The following SEZ6L2 variants were observed in gnomAD, a reference collection of about 807,000 sequenced individuals.
The protein encoded by SEZ6L2 is seizure 6-like protein 2.
A neutral mutation model predicts 97.0 loss-of-function variants in SEZ6L2; 44 were observed. The observed-to-expected ratio is 0.45, with a 90% CI of 0.36 to 0.58. The LOEUF (loss-of-function observed/expected upper bound fraction) is 0.58. SEZ6L2 is among the 20% of genes least tolerant of loss of function. SEZ6L2 has a pLI of 0.00. For missense variants in SEZ6L2, 1,086 were observed against 1,233.3 expected (o/e 0.88, Z 1.79); for synonymous variants, 543 against 546.1 (o/e 0.99, Z 0.08).
At position 29,882,482 on chromosome 16, in the gene SEZ6L2, C is replaced by T. The variant is rs970104688; in HGVS notation, c.1373-2418G>A. Among the ~76,000 whole-genome samples the T allele has an allele frequency of 9.3e-5, 14 of 150,768 alleles. No individual in the cohort carries two copies. The East Asian group carries it at 2.0e-3, about 21-fold the overall frequency. ...ATCCCAGCTACTCAGAAGGCTGAGG[C>T]AGGAGAACCACTTGAACCCGGAAGG... On this transcript the variant is annotated intron_variant, in intron 8 of 17. Transcript: ENST00000617533.
At position 29,888,598 on chromosome 16, in the gene SEZ6L2, G is replaced by A. The variant is rs769685348; in HGVS notation, c.981C>T (p.Thr327=). The A allele has an allele frequency of 2.6e-5, 42 of 1,613,948 alleles. No individual in the cohort carries two copies. The highest frequency in any genetic ancestry group is 3.3e-5 in the Non-Finnish European group (39 of 1,180,006). The change falls in exon 6 of 18, where the codon ACC becomes ACT. Residue 327 remains threonine, a synonymous_variant. Transcript: ENST00000617533. ...GCCGGGTGCCATTGAGGCAGATGAGGGTCTCCTCTCCCTGCAGCTGGTAGC... is the reference window on the plus strand; with the variant it reads ...GCCGGGTGCCATTGAGGCAGATGAGAGTCTCCTCTCCCTGCAGCTGGTAGC... The part of the protein sequence containing the change: ...DSGYQLQGEE[T]LICLNGTRPS...
chr16:29,895,545 G>T, intron 4 of SEZ6L2, 85 bp from the exon 5 acceptor site: 1 of 1,495,186 alleles, frequency 6.7e-7, no homozygotes, highest in Admixed American at 1.9e-5. Flanking sequence ...TTTGCCCTGT[G>T]TGTAGCAGCC....
chr16:29,898,071 C>G, intron 1 of SEZ6L2, 87 bp from the exon 2 acceptor site: 1 of 1,570,834 alleles, frequency 6.4e-7, no homozygotes, highest in Non-Finnish European at 8.6e-7. Flanking sequence ...TTCCTCCCTC[C>G]TCCATCAGCT....
At chr16:29,895,033 G>T (rs1482091666) in intron 5 of SEZ6L2, among the ~76,000 whole-genome samples, 1 of 152,016 alleles carries the variant, frequency 6.6e-6, no homozygotes, top group Admixed American at 6.6e-5. Context: ...CAAAAAATTA[G>T]CTGGGCATGG....
rs184624968 is a variant in SEZ6L2 at position 29,891,175 on chromosome 16, C to T, written c.854-2450G>A. On this transcript the variant is annotated intron_variant, in intron 5 of 17. Transcript: ENST00000617533. The stretch of plus-strand genomic sequence containing the variant: ...CAGGCTGGTCTCGAACTCCTGACCT[C>T]GTGATCTGCCCGCCTCGGCCTCCCA... Among the ~76,000 whole-genome samples, 1,512 of 152,026 alleles carry T rather than the reference C, an allele frequency of 9.9e-3. 29 individuals are homozygous for T. Among genetic ancestry groups the T allele is most frequent in the African/African-American group, 0.035 (1,444 of 41,480 alleles).
intron 6 of SEZ6L2, 41 bp from the exon 7 acceptor site, chr16:29,887,858 G>A (rs373660030): frequency 1.2e-6 from 2 of 1,605,334 alleles, no homozygotes; most frequent in South Asian, 2.2e-5. Context: ...AGCCTGAGGT[G>A]AACTGTCCTT....
At chr16:29,886,084 C>A in intron 7 of SEZ6L2, 1 of 184,158 alleles carries the variant, frequency 5.4e-6, no homozygotes, top group Non-Finnish European at 1.1e-5. Flanking sequence ...GATGCTTGAC[C>A]AGGCATGGTG....
chr16:29,884,233 C>T (rs1326175324), intron 8 of SEZ6L2, among the ~76,000 whole-genome samples: 1 of 152,142 alleles, frequency 6.6e-6, no homozygotes. Flanking sequence ...CAATGAACGC[C>T]TCTCCTGGCA....
intron 14 of SEZ6L2, 48 bp from the exon 15 acceptor site, chr16:29,872,791 A>T: frequency 8.9e-6 from 11 of 1,237,464 alleles, no homozygotes; most frequent in Non-Finnish European, 1.2e-5. Context: ...CAGGGAGGGG[A>T]GGAGGCTGGG....
intron 6 of SEZ6L2, 123 bp downstream of exon 6, chr16:29,888,417 C>T (rs898748311): frequency 1.3e-5 from 13 of 1,007,384 alleles, no homozygotes; most frequent in African/African-American, 3.3e-5. Flanking sequence ...GGGGACTCCT[C>T]AGGGTAAACA....
rs146925372 is a variant in SEZ6L2 at position 29,893,957 on chromosome 16, G to A, written c.853+1302C>T. The stretch of plus-strand genomic sequence containing the variant: ...GCAATCTCAGCTCAATGCAACCTCC[G>A]CCTCCTGGGTTCAAACAATTCTCTT... On this transcript the variant is annotated intron_variant, in intron 5 of 17. Transcript: ENST00000617533. 2.7e-3 allele frequency among the ~76,000 whole-genome samples: 415 copies of A among 152,202 alleles called. 7 individuals are homozygous for A. The East Asian group carries it at 0.033, about 12-fold the overall frequency.
rs1184725195 is a variant in SEZ6L2, at chr16:29,877,476, G to T, written c.1713-9C>A. 1.3e-6 allele frequency: 2 copies of T among 1,573,136 alleles called. No individual in the cohort carries two copies. The highest frequency in any genetic ancestry group is 4.5e-5 in the East Asian group (2 of 44,144). On this transcript the variant is annotated splice_polypyrimidine_tract_variant and intron_variant, in intron 10 of 17. Coordinates refer to ENST00000617533, the MANE Select transcript of SEZ6L2 (RefSeq NM_001243332.2). ...CTTCCCGCACATTCAATCTGCAGGGGGTGAGACCAGGCAATGGGGCGGGGC... is the reference window on the plus strand; with the variant it reads ...CTTCCCGCACATTCAATCTGCAGGGTGTGAGACCAGGCAATGGGGCGGGGC...
chr16:29,897,138 A>G lies in SEZ6L2; in HGVS notation c.212-17T>C. 15 of 1,529,636 alleles carry G rather than the reference A, an allele frequency of 9.8e-6. No homozygotes were observed. The highest frequency in any genetic ancestry group is 1.3e-5 in the Non-Finnish European group (15 of 1,140,006). The allele number at this position is 1,529,636 out of a possible 1,614,324, so 94.8% of individuals were successfully genotyped here. A position where few individuals can be genotyped will look rare whatever the true frequency, so the allele number is the denominator to read the frequency against. On this transcript the variant is annotated splice_polypyrimidine_tract_variant and intron_variant, in intron 2 of 17. Coordinates refer to ENST00000617533, the MANE Select transcript of SEZ6L2 (RefSeq NM_001243332.2). ...GATCAGATCCTGGGACAGTGCAGGG[A>G]ATATCAGAGCACAGGAGGAGCACAT...
chr16:29,897,855 G>A lies in SEZ6L2; in HGVS notation c.209C>T (p.Pro70Leu). 6.2e-7 allele frequency: 1 copy of A among 1,602,344 alleles called. No individual in the cohort carries two copies. The highest frequency in any genetic ancestry group is 8.5e-7 in the Non-Finnish European group (1 of 1,176,508). The change falls in exon 2 of 18, where the codon CCA (proline) becomes CTA (leucine). Residue 70 changes from proline to leucine, a missense_variant and splice_region_variant. Transcript: ENST00000617533. ...LRRGPEMGYL[P>L]GSDRDPTLAT... ...TCCTGCCACTCTGGGGGCCTCACCT[G>A]GCAGGTAGCCCATCTCTGGGCCCCT...
intron 5 of SEZ6L2, among the ~76,000 whole-genome samples, 189 bp downstream of exon 5, chr16:29,895,070 T>C (rs992544221): frequency 3.3e-5 from 5 of 151,324 alleles, no homozygotes; most frequent in Admixed American, 2.0e-4. Flanking sequence ...TCCCAGCTAC[T>C]TGAGAGGCTG....
intron 3 of SEZ6L2, among the ~76,000 whole-genome samples, chr16:29,896,478 C>T (rs1466133448): frequency 6.6e-6 from 1 of 152,038 alleles, no homozygotes; most frequent in Non-Finnish European, 1.5e-5. Context: ...AGGGTTTCTC[C>T]ATGTTGCTCA....
In SEZ6L2 at chr16:29,895,879, C is replaced by T. The variant is rs1161329754; in HGVS notation, c.512-19G>A. 1.3e-6 allele frequency: 2 copies of T among 1,585,344 alleles called. No individual in the cohort carries two copies. The highest frequency in any genetic ancestry group is 1.8e-5 in the Admixed American group (1 of 56,806). ...CACAGAACTGAGGAGATACAAATGG[C>T]TGGGATGGAAGGAATGCCTGTGCTT... On this transcript the variant is annotated intron_variant, in intron 3 of 17. Transcript: ENST00000617533.
At chr16:29,874,429 G>A (rs769682928) in intron 12 of SEZ6L2, among the ~76,000 whole-genome samples, 2 of 151,872 alleles carry the variant, frequency 1.3e-5, no homozygotes, top group Non-Finnish European at 1.5e-5. Context: ...GCCTTCAGGC[G>A]TTTGAGTTTA....
chr16:29,881,543 T>C (rs1479478164), intron 8 of SEZ6L2, among the ~76,000 whole-genome samples: 1 of 151,662 alleles, frequency 6.6e-6, no homozygotes, highest in Admixed American at 6.6e-5. Flanking sequence ...TTTGAGTTTC[T>C]GCCCACCTGA....
Sources: allele counts gnomAD v4.1 joint callset (sites outside exome capture counted in the v4.1 genomes callset), GRCh38; gene constraint gnomAD v4.1.1; transcripts MANE v1.5; gene names NCBI Gene and HGNC (gene_info 2026-07-23, HGNC 2026-07-21).